Variants in PLPPR1 observed in about 807,000 individuals in gnomAD.
The protein encoded by PLPPR1 is phospholipid phosphatase-related protein type 1.
Under a neutral mutation model 33.1 loss-of-function variants are expected in PLPPR1, and 10 were observed. That is an observed-to-expected ratio of 0.30 (90% CI 0.19 to 0.51). PLPPR1 has a LOEUF of 0.51. Ranked by LOEUF, PLPPR1 falls within the 20% of genes least tolerant of loss-of-function variation. The pLI, the probability that PLPPR1 is intolerant of heterozygous loss-of-function variation, is 0.97. For synonymous variants in PLPPR1, 151 were observed against 151.0 expected (o/e 1.00, Z 0.00); for missense variants, 304 against 408.1 (o/e 0.74, Z 2.20).
At chr9:101,186,413 C>G (rs556371309) in intron 2 of PLPPR1, among the ~76,000 whole-genome samples, 7 of 151,658 alleles carry the variant, frequency 4.6e-5, no homozygotes, top group African/African-American at 1.7e-4. Flanking sequence ...GTCTGGGTAA[C>G]TGAAGGATAG....
chr9:101,294,816 C>G (rs1250654523), intron 4 of PLPPR1, among the ~76,000 whole-genome samples: 2 of 151,938 alleles, frequency 1.3e-5, no homozygotes, highest in African/African-American at 4.8e-5. Flanking sequence ...ATAATAAGAG[C>G]TATCTATGAC....
chr9:101,280,268 A>T (rs1207555664), intron 3 of PLPPR1, among the ~76,000 whole-genome samples: 1 of 152,174 alleles, frequency 6.6e-6, no homozygotes, highest in East Asian at 1.9e-4. Context: ...TAGATCAATA[A>T]CAAGTAATAA....
chr9:101,179,934 C>T (rs779336484), intron 1 of PLPPR1, among the ~76,000 whole-genome samples: 2 of 151,370 alleles, frequency 1.3e-5, no homozygotes, highest in African/African-American at 4.9e-5. Flanking sequence ...AGCTTCCCAA[C>T]CTATATATTT....
chr9:101,144,278 G>T (rs1052295380), intron 1 of PLPPR1, among the ~76,000 whole-genome samples: 1 of 151,998 alleles, frequency 6.6e-6, no homozygotes, highest in Non-Finnish European at 1.5e-5. Flanking sequence ...GGTGGGGAGC[G>T]GGGAGGGATA....
chr9:101,055,656 G>T (rs189621386), intron 1 of PLPPR1, among the ~76,000 whole-genome samples: 1 of 152,074 alleles, frequency 6.6e-6, no homozygotes, highest in Non-Finnish European at 1.5e-5. Context: ...TTTTCATCAC[G>T]CACACAGAAG....
At chr9:101,277,182 C>A (rs1206124825) in intron 3 of PLPPR1, among the ~76,000 whole-genome samples, 1 of 152,106 alleles carries the variant, frequency 6.6e-6, no homozygotes, top group African/African-American at 2.4e-5. Flanking sequence ...TTGAAGCCTC[C>A]CAGGGAGAAT....
At chr9:101,268,914 G>A (rs1263199957) in intron 2 of PLPPR1, among the ~76,000 whole-genome samples, 1 of 152,182 alleles carries the variant, frequency 6.6e-6, no homozygotes, top group African/African-American at 2.4e-5. Flanking sequence ...TAATCAGGCA[G>A]TGGTCAGTTC....
chr9:101,279,635 G>A (rs537408990), intron 3 of PLPPR1, among the ~76,000 whole-genome samples: 3 of 152,008 alleles, frequency 2.0e-5, no homozygotes, highest in Admixed American at 2.0e-4. Flanking sequence ...TGACCACAAT[G>A]GAATAAAACT....
At chr9:101,037,617 A>T (rs1004175879) in intron 1 of PLPPR1, among the ~76,000 whole-genome samples, 9 of 152,160 alleles carry the variant, frequency 5.9e-5, no homozygotes, top group Non-Finnish European at 1.3e-4. Context: ...AGCATGCTTT[A>T]TCATTTTCCC....
chr9:101,212,895 C>T (rs910404629), intron 2 of PLPPR1, among the ~76,000 whole-genome samples: 4 of 152,204 alleles, frequency 2.6e-5, no homozygotes, highest in African/African-American at 4.8e-5. Flanking sequence ...AGAAGTGCCA[C>T]TCAGTTTGCC....
At chr9:101,230,317 G>A (rs1588084561) in intron 2 of PLPPR1, among the ~76,000 whole-genome samples, 1 of 152,186 alleles carries the variant, frequency 6.6e-6, no homozygotes, top group African/African-American at 2.4e-5. Flanking sequence ...GATGACTGAT[G>A]CTCACAGAAG....
At chr9:101,296,855 G>T (rs1283854210) in intron 4 of PLPPR1, among the ~76,000 whole-genome samples, 1 of 152,044 alleles carries the variant, frequency 6.6e-6, no homozygotes, top group East Asian at 1.9e-4. Context: ...TAAATGACGA[G>T]TTAATGGGTG....
At chr9:101,118,270 G>A (rs1831139040) in intron 1 of PLPPR1, among the ~76,000 whole-genome samples, 1 of 152,172 alleles carries the variant, frequency 6.6e-6, no homozygotes, top group Non-Finnish European at 1.5e-5. Context: ...GAGTATCTGG[G>A]TTTAGTGGGG....
chr9:101,046,466 G>C (rs1830148363), intron 1 of PLPPR1, among the ~76,000 whole-genome samples: 2 of 127,812 alleles, frequency 1.6e-5, no homozygotes, highest in Non-Finnish European at 3.1e-5. Flanking sequence ...TTGAGACAGA[G>C]TCTCGCCATG....
intron 2 of PLPPR1, among the ~76,000 whole-genome samples, chr9:101,264,680 A>G (rs1332186128): frequency 1.3e-5 from 2 of 152,184 alleles, no homozygotes. Flanking sequence ...ACTAGCTTTG[A>G]TAGCTCATGG....
intron 1 of PLPPR1, among the ~76,000 whole-genome samples, chr9:101,057,989 C>G (rs1830298227): frequency 6.6e-6 from 1 of 152,232 alleles, no homozygotes; most frequent in South Asian, 2.1e-4. Flanking sequence ...CATCTACCTT[C>G]ATGCTCTGCC....
At chr9:101,283,496 A>G (rs1413276506) in intron 3 of PLPPR1, among the ~76,000 whole-genome samples, 1 of 152,248 alleles carries the variant, frequency 6.6e-6, no homozygotes, top group African/African-American at 2.4e-5. Context: ...CTCACACCGT[A>G]TACAAAAATC....
At chr9:101,039,639 C>T (rs1328776362) in intron 1 of PLPPR1, among the ~76,000 whole-genome samples, 4 of 152,122 alleles carry the variant, frequency 2.6e-5, no homozygotes, top group South Asian at 4.1e-4. Context: ...CACAGTTCCA[C>T]GTGGCTGGGG....
chr9:101,074,140 C>T (rs892468540), intron 1 of PLPPR1, among the ~76,000 whole-genome samples: 3 of 152,042 alleles, frequency 2.0e-5, no homozygotes, highest in African/African-American at 7.2e-5. Flanking sequence ...ACCGATGCAT[C>T]AGGAAAAGTG....
Sources: gnomAD v4.1 joint callset for allele counts (sites outside exome capture counted in the v4.1 genomes callset) on GRCh38, gnomAD v4.1.1 for gene constraint, MANE v1.5 for transcripts, NCBI Gene and HGNC (gene_info 2026-07-23, HGNC 2026-07-21) for gene names.